The following SCIN variants were observed in gnomAD, a reference collection of about 807,000 sequenced individuals.
SCIN encodes adseverin.
Under a neutral mutation model 91.8 loss-of-function variants are expected in SCIN, and 91 were observed. The ratio of observed to expected loss-of-function variants is 0.99; its 90% CI spans 0.84 to 1.18. The LOEUF (loss-of-function observed/expected upper bound fraction) is 1.18. SCIN is among the 50% of genes most tolerant of loss of function. The pLI is 0.00. For synonymous variants in SCIN, 367 were observed against 312.6 expected (o/e 1.17, Z -1.84); for missense variants, 1,087 against 863.9 (o/e 1.26, Z -3.24).
chr7:12,580,357 T>A (rs1338440043), intron 2 of SCIN, among the ~76,000 whole-genome samples: 3 of 152,224 alleles, frequency 2.0e-5, no homozygotes. Flanking sequence ...AGTTAATATC[T>A]TTCTTTAATT....
intron 9 of SCIN, among the ~76,000 whole-genome samples, chr7:12,633,891 T>C (rs1261976892): frequency 1.3e-5 from 2 of 152,142 alleles, no homozygotes; most frequent in African/African-American, 4.8e-5. Context: ...CTATTGACAT[T>C]AAAACACTAC....
chr7:12,588,847 G>GGGGGGGGGGT (rs1782652938), intron 3 of SCIN: 1 of 130,918 alleles, frequency 7.6e-6, no homozygotes, highest in African/African-American at 3.0e-5. Context: ...GAAGGGGGAG[G>GGGGGGGGGGT]GGTTCTGGTG....
chr7:12,652,582 T>G lies in SCIN; in HGVS notation c.2021-6T>G. On this transcript the variant is annotated splice_polypyrimidine_tract_variant and splice_region_variant and intron_variant, in intron 15 of 15. Coordinates refer to ENST00000297029, the MANE Select transcript of SCIN (RefSeq NM_001112706.3). The stretch of plus-strand genomic sequence containing the variant: ...TGAATTTATATGTCTTTACAACTTT[T>G]TTTAGCCAAAATGTACCTTGAGACA... 1 of 1,611,990 alleles carries G rather than the reference T, an allele frequency of 6.2e-7. No homozygotes were observed. Among genetic ancestry groups the G allele is most frequent in the Non-Finnish European group, 8.5e-7 (1 of 1,179,100 alleles).
At chr7:12,593,029 G>T (rs183969672) in intron 3 of SCIN, among the ~76,000 whole-genome samples, 1 of 152,308 alleles carries the variant, frequency 6.6e-6, no homozygotes, top group African/African-American at 2.4e-5. Context: ...CTTGTTGAAG[G>T]GATGGTGGCT....
intron 8 of SCIN, among the ~76,000 whole-genome samples, chr7:12,628,028 C>T (rs896127724): frequency 3.4e-4 from 24 of 71,056 alleles, no homozygotes; most frequent in East Asian, 1.6e-3. Context: ...GGCAAGTGTG[C>T]GCGCGTGTGT....
chr7:12,580,952 A>G, intron 2 of SCIN, 108 bp from the exon 3 acceptor site: 1 of 1,134,942 alleles, frequency 8.8e-7, no homozygotes, highest in Non-Finnish European at 1.2e-6. Flanking sequence ...TGACAGGTAC[A>G]GTTTTGGCAC....
At chr7:12,571,259 C>G in intron 1 of SCIN, 2 of 490,040 alleles carry the variant, frequency 4.1e-6, no homozygotes, top group South Asian at 5.4e-5. Context: ...GAGCTGGTGA[C>G]TGGCTTCTTC....
Position 12,639,830 on chromosome 7 carries a change from C to T in SCIN, c.1411-517C>T, listed in dbSNP as rs943339310. On this transcript the variant is annotated intron_variant, in intron 10 of 15. Transcript: ENST00000297029. ...GTGTGTGTGTAATTTTTTTATTTTA[C>T]AAATACAGAGATATAGAAATAATGG... Among the ~76,000 whole-genome samples the T allele has an allele frequency of 2.6e-5, 4 of 152,066 alleles. No individual in the cohort carries two copies. In the South Asian group the frequency reaches 6.2e-4, roughly 24 times the overall value.
chr7:12,585,269 C>T (rs1051220670), intron 3 of SCIN, among the ~76,000 whole-genome samples: 4 of 152,096 alleles, frequency 2.6e-5, no homozygotes, highest in Non-Finnish European at 5.9e-5. Flanking sequence ...GTGTTGCAAC[C>T]CACACTTTTG....
At chr7:12,605,267 T>C (rs1022096194) in intron 4 of SCIN, among the ~76,000 whole-genome samples, 3 of 152,128 alleles carry the variant, frequency 2.0e-5, no homozygotes, top group Non-Finnish European at 4.4e-5. Context: ...TAGCCAGTGG[T>C]CCTGATCCCC....
At chr7:12,608,062 C>G (rs1263719515) in intron 4 of SCIN, among the ~76,000 whole-genome samples, 1 of 152,154 alleles carries the variant, frequency 6.6e-6, no homozygotes, top group Non-Finnish European at 1.5e-5. Flanking sequence ...TACGTTTATG[C>G]TCATTGCTAC....
chr7:12,658,703 G>T lies in SCIN; in HGVS notation c.*5988G>T, dbSNP rs1784211315. On this transcript the variant is annotated 3_prime_UTR_variant, in exon 16 of 16. Coordinates refer to ENST00000297029, the MANE Select transcript of SCIN (RefSeq NM_001112706.3). ...CTTGTATGATTTTCCTCTCTAGCTT[G>T]GGGCTGCACCCTCTGCTGTGGGAAG... is the stretch of plus-strand genomic sequence containing the variant. 1 of 152,152 alleles carries T rather than the reference G, an allele frequency of 6.6e-6. No individual in the cohort carries two copies. The highest frequency in any genetic ancestry group is 2.1e-4 in the South Asian group (1 of 4,830). 9.4% of individuals were successfully genotyped at this position (152,152 alleles called of 1,614,324 possible).
At chr7:12,595,761 A>G (rs1782827914) in intron 3 of SCIN, 1 of 152,138 alleles carries the variant, frequency 6.6e-6, no homozygotes, top group African/African-American at 2.4e-5. Context: ...TGGTGTTTGG[A>G]CTTCTTAAGA....
At chr7:12,612,994 C>T in intron 4 of SCIN, among the ~76,000 whole-genome samples, 1 of 152,076 alleles carries the variant, frequency 6.6e-6, no homozygotes, top group East Asian at 1.9e-4. Flanking sequence ...TAGCTTGCAG[C>T]TGAAGTGAGG....
At chr7:12,590,870 A>C (rs1485128886) in intron 3 of SCIN, among the ~76,000 whole-genome samples, 2 of 151,988 alleles carry the variant, frequency 1.3e-5, no homozygotes, top group Non-Finnish European at 2.9e-5. Context: ...CAGCGTGGGA[A>C]CGAGGAATGT....
At chr7:12,637,733 T>C (rs2115289678) in intron 10 of SCIN, among the ~76,000 whole-genome samples, 1 of 152,160 alleles carries the variant, frequency 6.6e-6, no homozygotes, top group South Asian at 2.1e-4. Context: ...ATTTCTGAAA[T>C]AAAAAATTAC....
rs555114311 is a variant in SCIN at position 12,588,779 on chromosome 7, T to A, written c.516+7558T>A. On this transcript the variant is annotated intron_variant, in intron 3 of 15. Coordinates refer to ENST00000297029, the MANE Select transcript of SCIN (RefSeq NM_001112706.3). ...AGGGTCCAGGAATGCAGCTGCAGAG[T>A]ATTCAGGGTAAGGGACAGCTGCATT... The A allele has an allele frequency of 4.3e-5, 5 of 115,802 alleles. No homozygotes were observed. In the East Asian group the frequency reaches 8.9e-4, roughly 21 times the overall value. The allele number at this position is 115,802 out of a possible 1,614,324, so 7.2% of individuals were successfully genotyped here. A position where few individuals can be genotyped will look rare whatever the true frequency, so the allele number is the denominator to read the frequency against.
chr7:12,595,217 A>G (rs1461394594), intron 3 of SCIN, among the ~76,000 whole-genome samples: 2 of 152,280 alleles, frequency 1.3e-5, no homozygotes, highest in South Asian at 2.1e-4. Context: ...CGCTGAGCTT[A>G]CAGAATGACG....
At chr7:12,648,926 AG>A (rs1201257455) in intron 13 of SCIN, among the ~76,000 whole-genome samples, 3 of 152,210 alleles carry the variant, frequency 2.0e-5, no homozygotes, top group Non-Finnish European at 4.4e-5. Context: ...CACTGACAAT[AG>A]GCAGAAACAG....
Sources: gnomAD v4.1 joint callset for allele counts (sites outside exome capture counted in the v4.1 genomes callset) on GRCh38, gnomAD v4.1.1 for gene constraint, MANE v1.5 for transcripts, NCBI Gene and HGNC (gene_info 2026-07-23, HGNC 2026-07-21) for gene names.